The following MSANTD3 variants were observed in gnomAD, a reference collection of about 807,000 sequenced individuals.
MSANTD3 encodes Myb/SANT DNA binding domain containing 3.
MSANTD3 carries 11 observed loss-of-function variants against 27.7 expected under a neutral mutation model. The observed-to-expected ratio is 0.40, with a 90% CI of 0.25 to 0.66. MSANTD3 has a LOEUF of 0.66. Ranked by LOEUF, MSANTD3 falls within the 30% of genes least tolerant of loss-of-function variation. The pLI is 0.41. For synonymous variants in MSANTD3, 131 were observed against 127.2 expected, an observed-to-expected ratio of 1.03 and a Z score of -0.20; for missense variants, 250 against 336.5, an observed-to-expected ratio of 0.74 and a Z score of 2.01.
intron 1 of MSANTD3, among the ~76,000 whole-genome samples, chr9:100,439,904 C>T (rs534812987): frequency 1.3e-5 from 2 of 152,192 alleles, no homozygotes; most frequent in South Asian, 4.1e-4. Context: ...TCTGAGAAAT[C>T]AGAGGCTTGG....
intron 1 of MSANTD3, among the ~76,000 whole-genome samples, chr9:100,434,601 A>G (rs1233603944): frequency 6.6e-6 from 1 of 152,128 alleles, no homozygotes; most frequent in Non-Finnish European, 1.5e-5. Flanking sequence ...CTCAGAGTCC[A>G]GGCCTTCTCT....
At chr9:100,445,187 A>G (rs565374231) in intron 2 of MSANTD3, 4 of 1,609,886 alleles carry the variant, frequency 2.5e-6, no homozygotes, top group African/African-American at 1.3e-5. Flanking sequence ...CAAGAAAGAA[A>G]AAGAAGCCTG....
intron 1 of MSANTD3, among the ~76,000 whole-genome samples, chr9:100,434,990 C>CAT (rs1836449620): frequency 6.7e-6 from 1 of 149,770 alleles, no homozygotes; most frequent in South Asian, 2.1e-4. Context: ...CACACACACA[C>CAT]GTGCGCACAC....
intron 1 of MSANTD3, chr9:100,429,475 G>C (rs537212015): frequency 6.6e-6 from 1 of 152,334 alleles, no homozygotes; most frequent in East Asian, 1.9e-4. Context: ...TGGGGATACA[G>C]CGATGAGTCA....
At chr9:100,432,108 T>C (rs536952184) in intron 1 of MSANTD3, among the ~76,000 whole-genome samples, 1 of 152,246 alleles carries the variant, frequency 6.6e-6, no homozygotes, top group South Asian at 2.1e-4. Context: ...CAAGGCTGGT[T>C]CTGCATGCAC....
At chr9:100,443,118 G>A (rs1005236526) in intron 2 of MSANTD3, among the ~76,000 whole-genome samples, 1 of 152,024 alleles carries the variant, frequency 6.6e-6, no homozygotes, top group African/African-American at 2.4e-5. Context: ...AGAGTCAACC[G>A]GCTGGGTTCT....
chr9:100,448,515 A>C (rs561225435), intron 2 of MSANTD3: 2 of 985,384 alleles, frequency 2.0e-6, no homozygotes, highest in South Asian at 4.7e-5. Context: ...CACACAGAGC[A>C]CTGTTCCTTC....
At chr9:100,446,175 T>C (rs1587793680) in intron 2 of MSANTD3, among the ~76,000 whole-genome samples, 2 of 152,320 alleles carry the variant, frequency 1.3e-5, no homozygotes, top group Middle Eastern at 3.4e-3. Context: ...AATTTCACAT[T>C]CTATGCTCTA....
intron 2 of MSANTD3, among the ~76,000 whole-genome samples, chr9:100,447,927 A>G (rs1836793971): frequency 6.6e-6 from 1 of 152,200 alleles, no homozygotes; most frequent in African/African-American, 2.4e-5. Context: ...GCAGTGGCTC[A>G]TGCCTGTAAT....
At chr9:100,449,078 T>C in intron 2 of MSANTD3, 1 of 985,420 alleles carries the variant, frequency 1.0e-6, no homozygotes, top group African/African-American at 1.7e-5. Flanking sequence ...ACTATGTTAA[T>C]AAATTGGCAT....
At chr9:100,429,723 G>T (rs1836325245) in intron 1 of MSANTD3, 1 of 152,462 alleles carries the variant, frequency 6.6e-6, no homozygotes, top group African/African-American at 2.4e-5. Flanking sequence ...TTTTTGGGGG[G>T]GGACAGTCTC....
chr9:100,441,343 C>G (rs1264108339), intron 1 of MSANTD3, among the ~76,000 whole-genome samples: 1 of 151,900 alleles, frequency 6.6e-6, no homozygotes, highest in African/African-American at 2.4e-5. Flanking sequence ...ATTAACAAAT[C>G]AGAGTCTAGG....
At chr9:100,439,032 T>C (rs114810633) in intron 1 of MSANTD3, among the ~76,000 whole-genome samples, 194 of 152,324 alleles carry the variant, frequency 1.3e-3, no homozygotes, top group African/African-American at 4.5e-3. Context: ...CAGTGTCTGA[T>C]ACCTGATGTG....
At position 100,450,924 on chromosome 9, in the gene MSANTD3, G is replaced by A. The variant is rs1836870215; in HGVS notation, c.786G>A (p.Trp262Ter). 1.2e-6 allele frequency: 2 copies of A among 1,608,704 alleles called. No homozygotes were observed. Among genetic ancestry groups the A allele is most frequent in the Non-Finnish European group, 1.7e-6 (2 of 1,178,286 alleles). Reference sequence around the variant, plus strand: ...AACTACAAACTTTTACCAAGGAATGGCCTGTTTCCTCATTTAACCGGCCCT... The same window carrying A: ...AACTACAAACTTTTACCAAGGAATGACCTGTTTCCTCATTTAACCGGCCCT... ...ERKLQTFTKE[W>*]PVSSFNRPFP... The change falls in exon 3 of 3, where the codon TGG becomes TGA. Residue 262 changes from tryptophan (W) to a stop codon, truncating the protein, a stop_gained. Coordinates refer to ENST00000395067, the MANE Select transcript of MSANTD3 (RefSeq NM_080655.3). LOFTEE classifies it high-confidence loss of function.
intron 2 of MSANTD3, chr9:100,449,011 GAACAT>G: frequency 1.0e-6 from 1 of 985,260 alleles, no homozygotes; most frequent in Non-Finnish European, 1.2e-6. Context: ...CAGTACCCAT[GAACAT>G]TCCCAGCATC....
At position 100,450,640 on chromosome 9, in the gene MSANTD3, C is replaced by A; in HGVS notation, c.502C>A (p.Pro168Thr). ...TCCAGTATGTGAGGGGACCTCTCAA[C>A]CTGAACCCTCGTGTTCAGCTGTCAG... ...HFPVCEGTSQ[P>T]EPSCSAVRIT... Residue 168 changes from proline (P) to threonine (T), a missense_variant, in exon 3 of 3, where the codon CCT (proline) becomes ACT (threonine). By Grantham distance (38) the Pro-to-Thr change is conservative (BLOSUM62 -1). This residue lies in a region of MSANTD3 where 235 missense variants were observed against 299.3 expected (regional missense o/e 0.79). Coordinates refer to ENST00000395067, the MANE Select transcript of MSANTD3 (RefSeq NM_080655.3). 6.2e-7 allele frequency: 1 copy of A among 1,613,846 alleles called. No individual in the cohort carries two copies. The highest frequency in any genetic ancestry group is 8.5e-7 in the Non-Finnish European group (1 of 1,179,898).
At chr9:100,449,159 G>C in intron 2 of MSANTD3, 1 of 985,406 alleles carries the variant, frequency 1.0e-6, no homozygotes, top group Non-Finnish European at 1.2e-6. Context: ...TAGAGTCACA[G>C]CTACAAGACT....
intron 1 of MSANTD3, among the ~76,000 whole-genome samples, chr9:100,439,780 A>G (rs1286460115): frequency 6.6e-6 from 1 of 151,506 alleles, no homozygotes; most frequent in Non-Finnish European, 1.5e-5. Context: ...CAGCCTCCCA[A>G]AGTCCTGGGA....
chr9:100,436,961 C>T (rs924414534), intron 1 of MSANTD3, among the ~76,000 whole-genome samples: 21 of 152,150 alleles, frequency 1.4e-4, no homozygotes, highest in Admixed American at 1.0e-3. Flanking sequence ...CCTGCTACCA[C>T]GCCTGGCTAA....
Sources: gnomAD v4.1 joint callset for allele counts (sites outside exome capture counted in the v4.1 genomes callset) on GRCh38, gnomAD v4.1.1 for gene constraint, gnomAD v4.1.1 regional missense constraint, MANE v1.5 for transcripts, NCBI Gene and HGNC (gene_info 2026-07-23, HGNC 2026-07-21) for gene names.